Variants in SGCZ observed in about 807,000 individuals in gnomAD.
SGCZ encodes zeta-sarcoglycan.
A neutral mutation model predicts 41.3 loss-of-function variants in SGCZ; 40 were observed. The ratio of observed to expected loss-of-function variants is 0.97; its 90% CI spans 0.75 to 1.26. The LOEUF (loss-of-function observed/expected upper bound fraction) is 1.26, where lower values mean the gene tolerates loss of function less well. Ranked by LOEUF, SGCZ falls within the 50% of genes most tolerant of loss-of-function variation. The pLI, the probability that SGCZ is intolerant of heterozygous loss-of-function variation, is 0.00. For synonymous variants in SGCZ, 206 were observed against 137.5 expected, an observed-to-expected ratio of 1.50 and a Z score of -3.49; for missense variants, 552 against 369.8, an observed-to-expected ratio of 1.49 and a Z score of -4.04.
At chr8:14,844,076 A>C (rs1803017421) in intron 1 of SGCZ, among the ~76,000 whole-genome samples, 1 of 151,856 alleles carries the variant, frequency 6.6e-6, no homozygotes, top group Non-Finnish European at 1.5e-5. Context: ...ATATTTATAC[A>C]GTTGACCCTT....
intron 4 of SGCZ, among the ~76,000 whole-genome samples, chr8:14,167,701 C>G (rs1283379790): frequency 6.6e-6 from 1 of 152,110 alleles, no homozygotes; most frequent in Non-Finnish European, 1.5e-5. Context: ...TATATACATT[C>G]TTAAAAGAAC....
At chr8:14,445,975 A>G (rs935356149) in intron 2 of SGCZ, among the ~76,000 whole-genome samples, 8 of 152,086 alleles carry the variant, frequency 5.3e-5, no homozygotes, top group African/African-American at 1.9e-4. Flanking sequence ...TCCCACACAC[A>G]TTTGCTGATG....
chr8:14,712,491 G>A (rs1011387731), intron 1 of SGCZ, among the ~76,000 whole-genome samples: 2 of 152,166 alleles, frequency 1.3e-5, no homozygotes, highest in African/African-American at 4.8e-5. Context: ...AGCCAGTAGG[G>A]CAGTTATGTA....
intron 1 of SGCZ, among the ~76,000 whole-genome samples, chr8:14,973,257 A>T (rs530485858): frequency 1.3e-5 from 2 of 152,280 alleles, no homozygotes; most frequent in African/African-American, 4.8e-5. Context: ...TCATCGAGGA[A>T]GATAGTACCC....
At chr8:14,344,806 A>G (rs1461996527) in intron 2 of SGCZ, among the ~76,000 whole-genome samples, 1 of 152,020 alleles carries the variant, frequency 6.6e-6, no homozygotes, top group Non-Finnish European at 1.5e-5. Context: ...ATGATATAGC[A>G]ACATAAACCC....
At chr8:14,811,884 A>G (rs1014853387) in intron 1 of SGCZ, among the ~76,000 whole-genome samples, 2 of 152,150 alleles carry the variant, frequency 1.3e-5, no homozygotes, top group East Asian at 1.9e-4. Context: ...TTTTATTTCA[A>G]TTATATATAA....
At chr8:14,292,044 G>A (rs1479978476) in intron 3 of SGCZ, among the ~76,000 whole-genome samples, 1 of 152,004 alleles carries the variant, frequency 6.6e-6, no homozygotes, top group African/African-American at 2.4e-5. Flanking sequence ...AATGTAATAG[G>A]TGGAAGCTTC....
chr8:14,136,318 C>T (rs758711960), intron 5 of SGCZ, among the ~76,000 whole-genome samples: 1 of 152,140 alleles, frequency 6.6e-6, no homozygotes, highest in Non-Finnish European at 1.5e-5. Flanking sequence ...GGGTGCAGCC[C>T]ATGAAGTGTG....
intron 2 of SGCZ, among the ~76,000 whole-genome samples, chr8:14,445,093 G>T (rs1384927741): frequency 6.6e-6 from 1 of 152,346 alleles, no homozygotes; most frequent in South Asian, 2.1e-4. Context: ...CAGTGGTGAT[G>T]CTTTCAGAGA....
intron 1 of SGCZ, among the ~76,000 whole-genome samples, chr8:15,047,132 C>T (rs1178547443): frequency 2.0e-5 from 3 of 151,904 alleles, no homozygotes; most frequent in African/African-American, 7.3e-5. Context: ...TGGGTATATG[C>T]AATGTTTCTT....
At chr8:15,126,429 T>C (rs1807683646) in intron 1 of SGCZ, among the ~76,000 whole-genome samples, 1 of 152,186 alleles carries the variant, frequency 6.6e-6, no homozygotes, top group Non-Finnish European at 1.5e-5. Flanking sequence ...CACACATTGA[T>C]AATCTATCAG....
intron 3 of SGCZ, among the ~76,000 whole-genome samples, chr8:14,280,498 C>G (rs544684203): frequency 6.6e-6 from 1 of 151,814 alleles, no homozygotes; most frequent in South Asian, 2.1e-4. Context: ...TATAATTAAT[C>G]TTATATCCAT....
chr8:15,167,017 G>GT (rs150936064), intron 1 of SGCZ, among the ~76,000 whole-genome samples: 35 of 150,166 alleles, frequency 2.3e-4, no homozygotes, highest in South Asian at 2.1e-4. Context: ...TTCTTGTTTT[G>GT]TTTTTTTTTC....
intron 1 of SGCZ, among the ~76,000 whole-genome samples, chr8:14,713,928 G>C (rs1024397926): frequency 6.6e-6 from 1 of 151,926 alleles, no homozygotes; most frequent in South Asian, 2.1e-4. Flanking sequence ...TGACTTTATA[G>C]AGAGGTAACT....
chr8:14,780,316 A>G (rs924862355), intron 1 of SGCZ, among the ~76,000 whole-genome samples: 6 of 150,242 alleles, frequency 4.0e-5, no homozygotes, highest in East Asian at 2.0e-4. Context: ...CAGAGCTTGC[A>G]GTGAGCTGAG....
intron 2 of SGCZ, among the ~76,000 whole-genome samples, chr8:14,531,555 C>T (rs528753611): frequency 6.6e-6 from 1 of 152,144 alleles, no homozygotes; most frequent in East Asian, 1.9e-4. Context: ...CAGTAGGTGG[C>T]AGTCCAGAAG....
chr8:15,117,185 C>T (rs1807299794), intron 1 of SGCZ, among the ~76,000 whole-genome samples: 1 of 152,064 alleles, frequency 6.6e-6, no homozygotes, highest in African/African-American at 2.4e-5. Context: ...CGGTGAAACC[C>T]CGTCTCTACT....
chr8:15,097,075 T>C lies in SGCZ; in HGVS notation c.39+140510A>G, dbSNP rs142884210. 1.0e-3 allele frequency among the ~76,000 whole-genome samples: 159 copies of C among 152,262 alleles called. 1 individual carries two copies. Among genetic ancestry groups the C allele is most frequent in the Non-Finnish European group, 5.9e-4 (40 of 68,018 alleles). ...AAGTGCTCCTCCTGCCTCAGCCTCCTGAATAGGTGTGACTATAGACATGCA... is the reference window on the plus strand; with the variant it reads ...AAGTGCTCCTCCTGCCTCAGCCTCCCGAATAGGTGTGACTATAGACATGCA... On this transcript the variant is annotated intron_variant, in intron 1 of 7. Coordinates refer to ENST00000382080, the MANE Select transcript of SGCZ (RefSeq NM_139167.4).
intron 5 of SGCZ, among the ~76,000 whole-genome samples, chr8:14,148,132 T>C (rs2116943938): frequency 6.6e-6 from 1 of 152,104 alleles, no homozygotes; most frequent in Non-Finnish European, 1.5e-5. Flanking sequence ...AGTCTAACAA[T>C]GCATCTTAAA....
Sources: gnomAD v4.1 joint callset for allele counts (sites outside exome capture counted in the v4.1 genomes callset) on GRCh38, gnomAD v4.1.1 for gene constraint, MANE v1.5 for transcripts, NCBI Gene and HGNC (gene_info 2026-07-23, HGNC 2026-07-21) for gene names.